PPP3CA: variants seen among roughly 807,000 people sequenced by gnomAD.
PPP3CA encodes protein phosphatase 3 catalytic subunit alpha, also known as CAM-PRP catalytic subunit.
In PPP3CA, 14 loss-of-function variants were observed where a neutral mutation model predicts 66.5. The observed-to-expected ratio is 0.21, with a 90% CI of 0.14 to 0.33. PPP3CA has a LOEUF of 0.33. PPP3CA is among the 10% of genes least tolerant of loss of function. PPP3CA has a pLI of 1.00. For missense variants in PPP3CA, 317 were observed against 639.5 expected (o/e 0.50, Z 5.44); for synonymous variants, 232 against 226.2 (o/e 1.03, Z -0.23).
intron 1 of PPP3CA, among the ~76,000 whole-genome samples, chr4:101,269,411 A>G (rs1436922953): frequency 1.3e-5 from 2 of 152,032 alleles, no homozygotes; most frequent in African/African-American, 4.8e-5. Context: ...TTTAAATCTA[A>G]TTCTCTCTGA....
intron 2 of PPP3CA, among the ~76,000 whole-genome samples, chr4:101,150,955 A>G (rs923156610): frequency 2.0e-5 from 3 of 152,226 alleles, no homozygotes; most frequent in Admixed American, 2.0e-4. Flanking sequence ...CTACCATGCT[A>G]TAAATTACAT....
At chr4:101,319,653 A>T (rs939340998) in intron 1 of PPP3CA, among the ~76,000 whole-genome samples, 4 of 152,172 alleles carry the variant, frequency 2.6e-5, no homozygotes, top group African/African-American at 9.6e-5. Flanking sequence ...AGAAAAAGAA[A>T]TCTCACAAAT....
intron 6 of PPP3CA, among the ~76,000 whole-genome samples, chr4:101,090,756 G>A (rs1241039454): frequency 6.7e-6 from 1 of 150,174 alleles, no homozygotes; most frequent in Non-Finnish European, 1.5e-5. Context: ...AAAGATGGTA[G>A]ACTTTATTCT....
At chr4:101,205,650 C>G (rs1725108539) in intron 1 of PPP3CA, among the ~76,000 whole-genome samples, 1 of 152,082 alleles carries the variant, frequency 6.6e-6, no homozygotes. Context: ...ATTTTCCATG[C>G]CCACATGCCC....
At chr4:101,231,309 G>A (rs1373492671) in intron 1 of PPP3CA, among the ~76,000 whole-genome samples, 2 of 151,660 alleles carry the variant, frequency 1.3e-5, no homozygotes, top group East Asian at 3.9e-4. Context: ...AGTTTATCAG[G>A]CCGCTAACTA....
chr4:101,164,285 C>T (rs1723617982), intron 2 of PPP3CA, among the ~76,000 whole-genome samples: 1 of 152,184 alleles, frequency 6.6e-6, no homozygotes. Context: ...CACCTTCTAA[C>T]ATCTTTTATA....
Position 101,212,559 on chromosome 4 carries a change from T to A in PPP3CA, c.59-16443A>T, listed in dbSNP as rs185756437. On this transcript the variant is annotated intron_variant, in intron 1 of 13. Coordinates refer to ENST00000394854, the MANE Select transcript of PPP3CA (RefSeq NM_000944.5). Reference sequence around the variant, plus strand: ...GGATGATCTGTGCAGCAAACCACCATGGCACACGTTTACCTACGTAACAAA... The same window carrying A: ...GGATGATCTGTGCAGCAAACCACCAAGGCACACGTTTACCTACGTAACAAA... Among the ~76,000 whole-genome samples, 848 of 152,174 alleles carry A rather than the reference T, an allele frequency of 5.6e-3. 6 individuals carry two copies. Among genetic ancestry groups the A allele is most frequent in the African/African-American group, 0.019 (769 of 41,516 alleles).
chr4:101,157,140 T>A (rs1028380281), intron 2 of PPP3CA, among the ~76,000 whole-genome samples: 2 of 152,140 alleles, frequency 1.3e-5, no homozygotes, highest in African/African-American at 2.4e-5. Flanking sequence ...CTCAGGGAAG[T>A]ATGGTTTGTC....
chr4:101,167,755 A>G (rs1449685202), intron 2 of PPP3CA, among the ~76,000 whole-genome samples: 2 of 152,108 alleles, frequency 1.3e-5, no homozygotes, highest in African/African-American at 2.4e-5. Context: ...CAGGGCTGGT[A>G]TAATTATGTG....
chr4:101,281,346 A>C (rs992914647), intron 1 of PPP3CA, among the ~76,000 whole-genome samples: 9 of 152,188 alleles, frequency 5.9e-5, no homozygotes, highest in African/African-American at 2.2e-4. Flanking sequence ...CAAGACAGTA[A>C]AAACTATGGC....
chr4:101,249,747 A>G (rs911741724), intron 1 of PPP3CA, among the ~76,000 whole-genome samples: 5 of 152,158 alleles, frequency 3.3e-5, no homozygotes, highest in African/African-American at 1.2e-4. Flanking sequence ...AACCAACAAC[A>G]TTATATTATC....
At chr4:101,051,776 T>A (rs1728020877) in intron 10 of PPP3CA, among the ~76,000 whole-genome samples, 1 of 152,144 alleles carries the variant, frequency 6.6e-6, no homozygotes, top group Admixed American at 6.6e-5. Flanking sequence ...CATTTATGCT[T>A]AGATATGCAA....
intron 2 of PPP3CA, among the ~76,000 whole-genome samples, chr4:101,111,568 A>G (rs1366156577): frequency 6.6e-6 from 1 of 152,120 alleles, no homozygotes; most frequent in Non-Finnish European, 1.5e-5. Flanking sequence ...TCCCCAAGAC[A>G]AAATGGTTAA....
intron 2 of PPP3CA, among the ~76,000 whole-genome samples, chr4:101,176,290 C>T (rs1724056654): frequency 1.3e-5 from 2 of 152,138 alleles, no homozygotes; most frequent in Admixed American, 6.6e-5. Flanking sequence ...TGTATACAAA[C>T]ATTAAATTTT....
At chr4:101,029,024 C>A in intron 13 of PPP3CA, 142 bp downstream of exon 13, 1 of 649,316 alleles carries the variant, frequency 1.5e-6, no homozygotes, top group Non-Finnish European at 2.6e-6. Context: ...CCCTTTAAAG[C>A]AAGAACATTT....
chr4:101,123,342 A>G (rs1560613395), intron 2 of PPP3CA, among the ~76,000 whole-genome samples: 2 of 152,188 alleles, frequency 1.3e-5, no homozygotes, highest in African/African-American at 2.4e-5. Flanking sequence ...TCAATGGTGA[A>G]CTTGATGAAG....
At chr4:101,226,794 A>G (rs1413613516) in intron 1 of PPP3CA, among the ~76,000 whole-genome samples, 4 of 151,714 alleles carry the variant, frequency 2.6e-5, no homozygotes, top group African/African-American at 9.7e-5. Context: ...TCATGTAAGA[A>G]CATGATTCAT....
At chr4:101,259,088 G>A (rs1256341986) in intron 1 of PPP3CA, among the ~76,000 whole-genome samples, 1 of 152,064 alleles carries the variant, frequency 6.6e-6, no homozygotes, top group Non-Finnish European at 1.5e-5. Flanking sequence ...TACTTTTATT[G>A]CTGCAAGCAC....
chr4:101,321,647 G>C (rs949741282), intron 1 of PPP3CA, among the ~76,000 whole-genome samples: 1 of 152,064 alleles, frequency 6.6e-6, no homozygotes, highest in African/African-American at 2.4e-5. Flanking sequence ...ATAAAACAAG[G>C]GAACCCTTCC....
Sources: allele counts gnomAD v4.1 joint callset (sites outside exome capture counted in the v4.1 genomes callset), GRCh38; gene constraint gnomAD v4.1.1; transcripts MANE v1.5; gene names NCBI Gene and HGNC (gene_info 2026-07-23, HGNC 2026-07-21).